The following ELK4 variants were observed in gnomAD, a reference collection of about 807,000 sequenced individuals.
ELK4 encodes the protein ETS transcription factor ELK4, also known as ETS domain-containing protein Elk-4.
ELK4 carries 16 observed loss-of-function variants against 29.6 expected under a neutral mutation model. The observed-to-expected ratio is 0.54, with a 90% CI of 0.37 to 0.82. The LOEUF (loss-of-function observed/expected upper bound fraction) is 0.82. ELK4 is among the 40% of genes least tolerant of loss of function. The pLI, the probability that ELK4 is intolerant of heterozygous loss-of-function variation, is 0.00. For synonymous variants in ELK4, 213 were observed against 191.1 expected, an observed-to-expected ratio of 1.11 and a Z score of -0.95; for missense variants, 465 against 507.1, an observed-to-expected ratio of 0.92 and a Z score of 0.80.
intron 1 of ELK4, among the ~76,000 whole-genome samples, chr1:205,625,330 T>C (rs1558023225): frequency 6.6e-6 from 1 of 150,390 alleles, no homozygotes; most frequent in Admixed American, 6.6e-5. Context: ...AAAGACATCA[T>C]AGCAAAGAAG....
intron 4 of ELK4, among the ~76,000 whole-genome samples, chr1:205,618,697 C>G (rs1670275936): frequency 1.3e-5 from 2 of 152,094 alleles, no homozygotes; most frequent in African/African-American, 4.8e-5. Context: ...GTGTTGCACA[C>G]CTGTAATCTT....
intron 1 of ELK4, among the ~76,000 whole-genome samples, chr1:205,627,129 A>G (rs1353041313): frequency 1.3e-5 from 2 of 152,212 alleles, no homozygotes; most frequent in African/African-American, 4.8e-5. Context: ...ATTAGTAATT[A>G]TTTAGGACTG....
rs1670219235 is a variant in ELK4, at chr1:205,615,577, AG to A, written c.*968del. On this transcript the variant is annotated 3_prime_UTR_variant, in exon 5 of 5. Transcript: ENST00000357992. ...GAGGTAAAATGAACAGGAAAAAGAC[AG>A]GTCCTTCACTTGGTTATCTTCTAAT... 5.2e-6 allele frequency: 1 copy of A among 192,706 alleles called. No individual in the cohort carries two copies. Among genetic ancestry groups the A allele is most frequent in the African/African-American group, 2.3e-5 (1 of 43,118 alleles). The allele number at this position is 192,706 out of a possible 1,614,324, so 11.9% of individuals were successfully genotyped here.
Position 205,623,640 on chromosome 1 carries a change from G to A in ELK4, c.207+36C>T, listed in dbSNP as rs771926147. 10 of 1,605,410 alleles carry A rather than the reference G, an allele frequency of 6.2e-6. No individual in the cohort carries two copies. The South Asian group carries it at 8.8e-5, about 14-fold the overall frequency. ...AAGAAGGAATCGTTCTTGTCTGGAG[G>A]TTCTCTGTATAGTATAAGATCAGGA... On this transcript the variant is annotated intron_variant, in intron 2 of 4. Transcript: ENST00000357992.
chr1:205,627,758 G>T (rs1438321461), intron 1 of ELK4, among the ~76,000 whole-genome samples: 2 of 152,170 alleles, frequency 1.3e-5, no homozygotes, highest in African/African-American at 4.8e-5. Flanking sequence ...AAAGGGCAGA[G>T]ATAAGAAACT....
intron 4 of ELK4, among the ~76,000 whole-genome samples, chr1:205,617,113 A>G (rs1314730573): frequency 6.6e-6 from 1 of 152,242 alleles, no homozygotes; most frequent in Non-Finnish European, 1.5e-5. Flanking sequence ...GGGAGATTCC[A>G]GGCTGAAGCT....
chr1:205,629,358 G>A (rs1670531940), intron 1 of ELK4, among the ~76,000 whole-genome samples: 1 of 152,090 alleles, frequency 6.6e-6, no homozygotes, highest in African/African-American at 2.4e-5. Context: ...TTCTTACATA[G>A]TTAAGTCAAA....
At chr1:205,627,382 G>C (rs1179292739) in intron 1 of ELK4, among the ~76,000 whole-genome samples, 2 of 151,978 alleles carry the variant, frequency 1.3e-5, no homozygotes, top group Admixed American at 1.3e-4. Context: ...GGTGGTGGGC[G>C]CCTGTAGTCC....
intron 2 of ELK4, among the ~76,000 whole-genome samples, chr1:205,621,811 G>A (rs531141132): frequency 2.0e-5 from 3 of 151,610 alleles, no homozygotes; most frequent in Admixed American, 6.6e-5. Flanking sequence ...GAGCCACCGC[G>A]CCCGGCTGTG....
intron 1 of ELK4, among the ~76,000 whole-genome samples, chr1:205,631,069 GA>G (rs1558025499): frequency 6.6e-6 from 1 of 152,184 alleles, no homozygotes; most frequent in East Asian, 1.9e-4. Context: ...GTTTCCAATT[GA>G]TCTTCCCAGG....
rs2102375001 is a variant in ELK4, at chr1:205,615,265, C to G, written c.*1281G>C. ...AATTAGCCAGGCGTAGTGGCGCATG[C>G]CTGTAGTCCCAGCTACTCAGGAGGC... On this transcript the variant is annotated 3_prime_UTR_variant, in exon 5 of 5. Transcript: ENST00000357992. The G allele has an allele frequency of 6.1e-6, 1 of 163,872 alleles. No individual in the cohort carries two copies. The highest frequency in any genetic ancestry group is 2.0e-4 in the South Asian group (1 of 4,924). 10.2% of individuals were successfully genotyped at this position (163,872 alleles called of 1,614,324 possible). A position where few individuals can be genotyped will look rare whatever the true frequency, so the allele number is the denominator to read the frequency against.
chr1:205,621,122 G>A (rs552484990), intron 2 of ELK4, among the ~76,000 whole-genome samples: 5 of 149,046 alleles, frequency 3.4e-5, no homozygotes, highest in Admixed American at 6.8e-5. Flanking sequence ...TTGAACCCGG[G>A]AGGCGGAGGT....
At position 205,614,958 on chromosome 1, in the gene ELK4, A is replaced by T. The variant is rs1409111947; in HGVS notation, c.*1588T>A. The T allele has an allele frequency of 1.4e-5, 3 of 215,360 alleles. No homozygotes were observed. Among genetic ancestry groups the T allele is most frequent in the African/African-American group, 6.8e-5 (3 of 44,270 alleles). The allele number at this position is 215,360 out of a possible 1,614,324, so 13.3% of individuals were successfully genotyped here. On this transcript the variant is annotated 3_prime_UTR_variant, in exon 5 of 5. Coordinates refer to ENST00000357992, the MANE Select transcript of ELK4 (RefSeq NM_001973.4). Reference sequence around the variant, plus strand: ...ATCAATTCAGTTTGGGGAACCAACAAATCTGTACCTGGCATTGATTACCAT... The same window carrying T: ...ATCAATTCAGTTTGGGGAACCAACATATCTGTACCTGGCATTGATTACCAT...
At position 205,612,861 on chromosome 1, in the gene ELK4, C is replaced by T. The variant is rs1307216349; in HGVS notation, c.*3685G>A. ...ATCTGTAATATAGTATGTAAATCTTCAAGGAATTTTCCAGTTAAAAAAAAT... is the reference window on the plus strand; with the variant it reads ...ATCTGTAATATAGTATGTAAATCTTTAAGGAATTTTCCAGTTAAAAAAAAT... On this transcript the variant is annotated 3_prime_UTR_variant, in exon 5 of 5. Transcript: ENST00000357992. The T allele has an allele frequency of 4.9e-6, 1 of 203,312 alleles. No individual in the cohort carries two copies. The highest frequency in any genetic ancestry group is 1.0e-5 in the Non-Finnish European group (1 of 99,338). 12.6% of individuals were successfully genotyped at this position (203,312 alleles called of 1,614,324 possible). A position where few individuals can be genotyped will look rare whatever the true frequency, so the allele number is the denominator to read the frequency against.
At chr1:205,626,330 G>A (rs1333398889) in intron 1 of ELK4, among the ~76,000 whole-genome samples, 1 of 152,076 alleles carries the variant, frequency 6.6e-6, no homozygotes, top group African/African-American at 2.4e-5. Flanking sequence ...TTGGCATCTC[G>A]TACCTCTCCT....
chr1:205,630,375 C>T (rs998366371), intron 1 of ELK4, among the ~76,000 whole-genome samples: 1 of 152,188 alleles, frequency 6.6e-6, no homozygotes. Context: ...ACCTTTTCCA[C>T]CCTAAACATG....
At chr1:205,627,689 TAAC>T (rs1341565754) in intron 1 of ELK4, among the ~76,000 whole-genome samples, 1 of 152,182 alleles carries the variant, frequency 6.6e-6, no homozygotes, top group Non-Finnish European at 1.5e-5. Flanking sequence ...AGACTAATTC[TAAC>T]AACATTTAAC....
chr1:205,622,549 C>T (rs553139961), intron 2 of ELK4, among the ~76,000 whole-genome samples: 66 of 152,010 alleles, frequency 4.3e-4, no homozygotes, highest in African/African-American at 1.4e-3. Flanking sequence ...TACACCACCG[C>T]GCCACACTGT....
chr1:205,631,961 G>T lies in ELK4; in HGVS notation c.-339C>A, dbSNP rs1488553971. 6.6e-6 allele frequency: 1 copy of T among 151,068 alleles called. No individual in the cohort carries two copies. The highest frequency in any genetic ancestry group is 1.5e-5 in the Non-Finnish European group (1 of 67,418). 9.4% of individuals were successfully genotyped at this position (151,068 alleles called of 1,614,324 possible). A position where few individuals can be genotyped will look rare whatever the true frequency, so the allele number is the denominator to read the frequency against. On this transcript the variant is annotated 5_prime_UTR_variant, in exon 1 of 5. Transcript: ENST00000357992. ...GGGGCCTGCCAGGCCCTCCGCGGCCGCCGCCACTCTCAAACCCCCCGACTG... is the reference window on the plus strand; with the variant it reads ...GGGGCCTGCCAGGCCCTCCGCGGCCTCCGCCACTCTCAAACCCCCCGACTG...
Sources: allele counts gnomAD v4.1 joint callset (sites outside exome capture counted in the v4.1 genomes callset), GRCh38; gene constraint gnomAD v4.1.1; transcripts MANE v1.5; gene names NCBI Gene and HGNC (gene_info 2026-07-23, HGNC 2026-07-21).